FAM193A: variants seen among roughly 807,000 people sequenced by gnomAD.
The protein encoded by FAM193A is protein FAM193A.
FAM193A carries 22 observed loss-of-function variants against 126.5 expected under a neutral mutation model. That is an observed-to-expected ratio of 0.17 (90% CI 0.12 to 0.25). FAM193A has a LOEUF of 0.25. FAM193A is among the 10% of genes least tolerant of loss of function. FAM193A has a pLI of 1.00. For synonymous variants in FAM193A, 761 were observed against 646.8 expected, an observed-to-expected ratio of 1.18 and a Z score of -2.68; for missense variants, 1,675 against 1,672.8, an observed-to-expected ratio of 1.00 and a Z score of -0.02.
intron 2 of FAM193A, among the ~76,000 whole-genome samples, chr4:2,598,077 G>A (rs931961081): frequency 1.3e-5 from 2 of 152,086 alleles, no homozygotes; most frequent in African/African-American, 2.4e-5. Context: ...GCTAATTTTT[G>A]TATTTTTGGT....
rs147391854 is a variant in FAM193A, at chr4:2,642,304, A to G, written c.1163+2445A>G. Among the ~76,000 whole-genome samples, 765 of 152,188 alleles carry G rather than the reference A, an allele frequency of 5.0e-3. 4 individuals carry two copies. The highest frequency in any genetic ancestry group is 0.017 in the African/African-American group (726 of 41,528). On this transcript the variant is annotated intron_variant, in intron 6 of 20. Transcript: ENST00000637812. ...GGGGACAGAGCGAGACTCCATCTCA[A>G]AAAAACACACAAAAAAATCAGAACA...
chr4:2,729,887 T>C (rs890211214), intron 20 of FAM193A, among the ~76,000 whole-genome samples: 2 of 151,816 alleles, frequency 1.3e-5, no homozygotes, highest in African/African-American at 2.4e-5. Flanking sequence ...GCTGGGATTA[T>C]AGGCATGAGC....
intron 17 of FAM193A, among the ~76,000 whole-genome samples, chr4:2,695,780 A>G (rs1008381847): frequency 6.6e-6 from 1 of 152,234 alleles, no homozygotes; most frequent in African/African-American, 2.4e-5. Context: ...GTTAAATAAC[A>G]GGTAGAGGCC....
intron 1 of FAM193A, among the ~76,000 whole-genome samples, chr4:2,547,496 C>A (rs1234857231): frequency 6.6e-6 from 1 of 152,098 alleles, no homozygotes; most frequent in Admixed American, 6.6e-5. Context: ...CAGCGATCCT[C>A]CCACCTTGGC....
intron 7 of FAM193A, among the ~76,000 whole-genome samples, chr4:2,650,060 G>C (rs1745515400): frequency 6.6e-6 from 1 of 152,146 alleles, no homozygotes; most frequent in African/African-American, 2.4e-5. Context: ...CCCCTAGATG[G>C]GACCATCTAG....
At chr4:2,701,370 C>T (rs1054736483) in intron 19 of FAM193A, among the ~76,000 whole-genome samples, 5 of 150,442 alleles carry the variant, frequency 3.3e-5, no homozygotes, top group Admixed American at 2.0e-4. Context: ...AATTTCCTTT[C>T]CTTTGGATCG....
At position 2,720,015 on chromosome 4, in the gene FAM193A, G is replaced by A. The variant is rs534197687; in HGVS notation, c.4454+3911G>A. On this transcript the variant is annotated intron_variant, in intron 20 of 20. Coordinates refer to ENST00000637812, the MANE Select transcript of FAM193A (RefSeq NM_001366318.2). ...TCGCCACATTGCCCAGGCTGGTCTC[G>A]AACTCCTGGCCTCAAGTGATCTGCC... 5.4e-5 allele frequency: 12 copies of A among 223,842 alleles called. No individual in the cohort carries two copies. The highest frequency in any genetic ancestry group is 9.4e-4 in the Middle Eastern group (2 of 2,118). The allele number at this position is 223,842 out of a possible 1,614,324, so 13.9% of individuals were successfully genotyped here.
intron 12 of FAM193A, 89 bp from the exon 13 acceptor site, chr4:2,672,032 T>A: frequency 6.9e-7 from 1 of 1,445,608 alleles, no homozygotes. Flanking sequence ...TTGTATTTGC[T>A]TTGTAACTAC....
chr4:2,654,954 A>T, intron 7 of FAM193A: 1 of 495,324 alleles, frequency 2.0e-6, no homozygotes, highest in South Asian at 3.7e-5. Context: ...TTTTGAGTTG[A>T]GTCTTGAATC....
At chr4:2,585,094 A>G in intron 1 of FAM193A, among the ~76,000 whole-genome samples, 1 of 152,212 alleles carries the variant, frequency 6.6e-6, no homozygotes, top group Non-Finnish European at 1.5e-5. Flanking sequence ...TGGTTTATCC[A>G]TTTTAATTCC....
rs777783966 is a variant in FAM193A, at chr4:2,621,118, TGAG to T, written c.502-4140_502-4138del. ...CTCTCAGTCCCCCACACACCACTGA[TGAG>T]GAGCTGCCTCAGGGTAAGAGCAAGA... On this transcript the variant is annotated intron_variant, in intron 2 of 20. Coordinates refer to ENST00000637812, the MANE Select transcript of FAM193A (RefSeq NM_001366318.2). Among the ~76,000 whole-genome samples, 4 of 152,158 alleles carry T rather than the reference TGAG, an allele frequency of 2.6e-5. 1 individual carries two copies. Among genetic ancestry groups the T allele is most frequent in the East Asian group, 1.9e-4 (1 of 5,172 alleles).
intron 12 of FAM193A, among the ~76,000 whole-genome samples, chr4:2,667,327 T>C (rs35424748): frequency 0.34 from 52,011 of 152,072 alleles, 10,532 homozygotes; most frequent in Admixed American, 0.54. Flanking sequence ...TATCAACATA[T>C]GAATTTTGGA....
At chr4:2,540,239 G>A (rs1737146074) in intron 1 of FAM193A, among the ~76,000 whole-genome samples, 1 of 152,204 alleles carries the variant, frequency 6.6e-6, no homozygotes, top group Non-Finnish European at 1.5e-5. Context: ...GGAGGCCGAG[G>A]CAGGCGGATC....
At chr4:2,556,575 A>G (rs764978220) in intron 1 of FAM193A, among the ~76,000 whole-genome samples, 11 of 152,160 alleles carry the variant, frequency 7.2e-5, no homozygotes, top group Non-Finnish European at 1.6e-4. Context: ...CTAGCTACTC[A>G]GGAGGCTGAT....
intron 1 of FAM193A, among the ~76,000 whole-genome samples, chr4:2,542,260 C>T (rs1394998345): frequency 6.6e-6 from 1 of 152,124 alleles, no homozygotes; most frequent in Non-Finnish European, 1.5e-5. Context: ...ATGCCTTGGC[C>T]TCCCAAAGTG....
chr4:2,568,600 T>C (rs375158062), intron 1 of FAM193A, among the ~76,000 whole-genome samples: 1 of 152,162 alleles, frequency 6.6e-6, no homozygotes, highest in South Asian at 2.1e-4. Flanking sequence ...GGCCAGCCAA[T>C]TTCGTCTGAT....
chr4:2,604,224 T>C (rs1741390883), intron 2 of FAM193A, among the ~76,000 whole-genome samples: 1 of 152,038 alleles, frequency 6.6e-6, no homozygotes, highest in African/African-American at 2.4e-5. Flanking sequence ...TAGTGATTCC[T>C]TATTAATCAC....
At chr4:2,639,457 C>A (rs1744395324) in intron 5 of FAM193A, among the ~76,000 whole-genome samples, 1 of 152,108 alleles carries the variant, frequency 6.6e-6, no homozygotes, top group African/African-American at 2.4e-5. Flanking sequence ...TGTCTCTGTG[C>A]ACACCTGTCA....
chr4:2,731,461 C>T (rs1377793822), intron 20 of FAM193A, among the ~76,000 whole-genome samples: 14 of 152,072 alleles, frequency 9.2e-5, no homozygotes, highest in Non-Finnish European at 4.4e-5. Context: ...GCTGGGATTA[C>T]AGGTATGAGC....
Sources: gnomAD v4.1 joint callset for allele counts (sites outside exome capture counted in the v4.1 genomes callset) on GRCh38, gnomAD v4.1.1 for gene constraint, MANE v1.5 for transcripts, NCBI Gene and HGNC (gene_info 2026-07-23, HGNC 2026-07-21) for gene names.